Variants in CA10 observed in about 807,000 individuals in gnomAD.
CA10 encodes the protein carbonic anhydrase-related protein 10.
In CA10, 14 loss-of-function variants were observed where a neutral mutation model predicts 44.2. The observed-to-expected ratio is 0.32, with a 90% CI of 0.21 to 0.50. CA10 has a LOEUF of 0.50. CA10 is among the 20% of genes least tolerant of loss of function. CA10 has a pLI of 0.99. For synonymous variants in CA10, 159 were observed against 141.6 expected, an observed-to-expected ratio of 1.12 and a Z score of -0.87; for missense variants, 350 against 409.7, an observed-to-expected ratio of 0.85 and a Z score of 1.26.
chr17:51,859,496 T>C lies in CA10; in HGVS notation c.279+71494A>G, dbSNP rs187540637. The stretch of plus-strand genomic sequence containing the variant: ...ATATACTTTTGGCTGGGTTTTGAAA[T>C]CACCTTGGGATACCCAGTCACACAG... On this transcript the variant is annotated intron_variant, in intron 3 of 8. Transcript: ENST00000451037. Among the ~76,000 whole-genome samples, 151 of 152,268 alleles carry C rather than the reference T, an allele frequency of 9.9e-4. 2 individuals are homozygous for C. In the East Asian group the frequency reaches 0.022, roughly 22 times the overall value.
chr17:52,058,031 G>T (rs536790280), intron 2 of CA10, among the ~76,000 whole-genome samples: 1 of 152,080 alleles, frequency 6.6e-6, no homozygotes, highest in Non-Finnish European at 1.5e-5. Context: ...TATCCAACAG[G>T]AGTACTTCAT....
chr17:51,648,700 A>G (rs550912758), intron 6 of CA10, among the ~76,000 whole-genome samples: 82 of 152,182 alleles, frequency 5.4e-4, no homozygotes, highest in Non-Finnish European at 1.0e-3. Context: ...CTCTACATCC[A>G]TGGGCCACAC....
chr17:51,867,538 T>C (rs537427047), intron 3 of CA10, among the ~76,000 whole-genome samples: 1 of 152,166 alleles, frequency 6.6e-6, no homozygotes, highest in Admixed American at 6.5e-5. Context: ...CTCTAGGTGG[T>C]TGTGAGAATT....
intron 3 of CA10, among the ~76,000 whole-genome samples, chr17:51,844,768 C>T (rs1311927343): frequency 6.6e-6 from 1 of 152,122 alleles, no homozygotes; most frequent in South Asian, 2.1e-4. Flanking sequence ...CCTGGACTTA[C>T]GACTTAGTGC....
At position 52,055,858 on chromosome 17, in the gene CA10, A is replaced by G. The variant is rs556473214; in HGVS notation, c.136+16461T>C. On this transcript the variant is annotated intron_variant, in intron 2 of 8. Coordinates refer to ENST00000451037, the MANE Select transcript of CA10 (RefSeq NM_020178.5). ...TTCAGGGGAAACCCATCATATCTCT[A>G]AGAATAAGGCAGATAGCCTCAAATA... Among the ~76,000 whole-genome samples, 14 of 152,294 alleles carry G rather than the reference A, an allele frequency of 9.2e-5. No homozygotes were observed. In the South Asian group the frequency reaches 2.9e-3, roughly 32 times the overall value.
At chr17:51,804,629 G>A (rs542941831) in intron 3 of CA10, among the ~76,000 whole-genome samples, 3 of 152,178 alleles carry the variant, frequency 2.0e-5, no homozygotes, top group Admixed American at 6.5e-5. Flanking sequence ...TTTCACTCTT[G>A]CAGCTTGAAT....
chr17:51,836,441 G>A (rs1270851247), intron 3 of CA10, among the ~76,000 whole-genome samples: 5 of 152,206 alleles, frequency 3.3e-5, no homozygotes, highest in Non-Finnish European at 7.3e-5. Context: ...AAGAAGTCAG[G>A]TTTCTCCTTT....
chr17:51,849,115 G>GTA (rs1217787786), intron 3 of CA10, among the ~76,000 whole-genome samples: 2 of 139,728 alleles, frequency 1.4e-5, no homozygotes, highest in African/African-American at 2.6e-5. Flanking sequence ...ATATGTGTGT[G>GTA]TATATATATA....
chr17:51,872,284 C>T (rs1056126384), intron 3 of CA10, among the ~76,000 whole-genome samples: 49 of 152,222 alleles, frequency 3.2e-4, no homozygotes, highest in African/African-American at 1.1e-3. Context: ...GTTTTTTCAG[C>T]TTTATTACTC....
chr17:51,669,221 T>G (rs1914320608), intron 4 of CA10, among the ~76,000 whole-genome samples: 1 of 152,150 alleles, frequency 6.6e-6, no homozygotes, highest in Non-Finnish European at 1.5e-5. Flanking sequence ...GGTGGGGACT[T>G]GGAGAACTTT....
chr17:52,001,106 A>T (rs1985409590), intron 2 of CA10, among the ~76,000 whole-genome samples: 1 of 151,846 alleles, frequency 6.6e-6, no homozygotes, highest in Admixed American at 6.6e-5. Context: ...TGGTGCCTTT[A>T]TTGCTTAACC....
intron 3 of CA10, among the ~76,000 whole-genome samples, chr17:51,839,208 C>T (rs1005777163): frequency 2.0e-5 from 3 of 152,118 alleles, no homozygotes; most frequent in African/African-American, 4.8e-5. Flanking sequence ...AAGGCACTAC[C>T]TTGGCCGGGC....
chr17:52,045,895 C>A (rs1467446113), intron 2 of CA10, among the ~76,000 whole-genome samples: 1 of 151,700 alleles, frequency 6.6e-6, no homozygotes, highest in African/African-American at 2.4e-5. Flanking sequence ...ATGACAATCA[C>A]AACAGAAATG....
chr17:51,984,787 T>A (rs1387776399), intron 2 of CA10, among the ~76,000 whole-genome samples: 3 of 151,734 alleles, frequency 2.0e-5, no homozygotes. Flanking sequence ...CCTGGAAAAA[T>A]ACAACCTTTC....
At chr17:51,868,474 A>T (rs1283677936) in intron 3 of CA10, among the ~76,000 whole-genome samples, 1 of 152,158 alleles carries the variant, frequency 6.6e-6, no homozygotes, top group Non-Finnish European at 1.5e-5. Flanking sequence ...TCAGTGGTTA[A>T]GATTACAAGA....
chr17:52,087,858 T>C (rs2143198784), intron 1 of CA10, among the ~76,000 whole-genome samples: 1 of 152,306 alleles, frequency 6.6e-6, no homozygotes, highest in Admixed American at 6.5e-5. Flanking sequence ...ATAAAAACTT[T>C]CAGAAGAGTT....
At position 51,802,551 on chromosome 17, in the gene CA10, T is replaced by A. The variant is rs77907943; in HGVS notation, c.280-54733A>T. 5.0e-3 allele frequency among the ~76,000 whole-genome samples: 706 copies of A among 140,214 alleles called. 8 individuals carry two copies. The highest frequency in any genetic ancestry group is 0.018 in the African/African-American group (665 of 36,322). 92.0% of individuals were successfully genotyped at this position (140,214 alleles called of 152,430 possible). A position where few individuals can be genotyped will look rare whatever the true frequency, so the allele number is the denominator to read the frequency against. On this transcript the variant is annotated intron_variant, in intron 3 of 8. Transcript: ENST00000451037. ...CTCTGCAGGCTCTGCTTGGATCATT[T>A]GTGCCTGATGTCTGAAAAAAAAAAA... is the stretch of plus-strand genomic sequence containing the variant.
intron 1 of CA10, among the ~76,000 whole-genome samples, chr17:52,119,942 A>G (rs1988976729): frequency 6.6e-6 from 1 of 152,224 alleles, no homozygotes; most frequent in Admixed American, 6.5e-5. Context: ...GAAACAAAAG[A>G]GATGAGTAAT....
intron 2 of CA10, among the ~76,000 whole-genome samples, chr17:51,959,975 T>C (rs2144048469): frequency 6.6e-6 from 1 of 151,876 alleles, no homozygotes; most frequent in East Asian, 1.9e-4. Flanking sequence ...TGACCCATGA[T>C]GTTGAAATTA....
Sources: allele counts gnomAD v4.1 joint callset (sites outside exome capture counted in the v4.1 genomes callset), GRCh38; gene constraint gnomAD v4.1.1; transcripts MANE v1.5; gene names NCBI Gene and HGNC (gene_info 2026-07-23, HGNC 2026-07-21).